Variants in BRINP3 observed in about 807,000 individuals in gnomAD.
The protein encoded by BRINP3 is BMP/retinoic acid inducible neural specific 3.
BRINP3 carries 19 observed loss-of-function variants against 71.0 expected under a neutral mutation model. The ratio of observed to expected loss-of-function variants is 0.27; its 90% CI spans 0.19 to 0.39. The LOEUF (loss-of-function observed/expected upper bound fraction) is 0.39. Among genes scored for constraint, BRINP3 ranks in the 10% least tolerant of loss-of-function variants. The pLI, the probability that BRINP3 is intolerant of heterozygous loss-of-function variation, is 1.00. For synonymous variants in BRINP3, 380 were observed against 337.7 expected, an observed-to-expected ratio of 1.13 and a Z score of -1.37; for missense variants, 959 against 940.8, an observed-to-expected ratio of 1.02 and a Z score of -0.25.
At chr1:190,123,494 C>T (rs2102326600) in intron 7 of BRINP3, among the ~76,000 whole-genome samples, 1 of 152,106 alleles carries the variant, frequency 6.6e-6, no homozygotes, top group Non-Finnish European at 1.5e-5. Context: ...CATTCAGGTT[C>T]TAAATTTTAT....
intron 2 of BRINP3, among the ~76,000 whole-genome samples, chr1:190,394,839 G>A (rs1671468376): frequency 6.6e-6 from 1 of 151,404 alleles, no homozygotes; most frequent in Non-Finnish European, 1.5e-5. Flanking sequence ...TAACTCTGGG[G>A]AGTACACAGT....
rs139605268 is a variant in BRINP3 at position 190,153,847 on chromosome 1, T to A, written c.1184+6821A>T. Among the ~76,000 whole-genome samples, 633 of 152,252 alleles carry A rather than the reference T, an allele frequency of 4.2e-3. 2 individuals are homozygous for A. Among genetic ancestry groups the A allele is most frequent in the African/African-American group, 0.015 (605 of 41,562 alleles). On this transcript the variant is annotated intron_variant, in intron 7 of 7. Transcript: ENST00000367462. ...GCCTGAGCAACAGTGTAAGACTCTG[T>A]CTCAACAAAATGAATAAGTAAAGAA...
chr1:190,398,173 T>C (rs1321536948), intron 2 of BRINP3, among the ~76,000 whole-genome samples: 1 of 151,986 alleles, frequency 6.6e-6, no homozygotes, highest in Non-Finnish European at 1.5e-5. Context: ...CTATCATTAA[T>C]GCTCCACTTA....
chr1:190,271,017 GT>G (rs1161415549), intron 3 of BRINP3, among the ~76,000 whole-genome samples: 2 of 151,578 alleles, frequency 1.3e-5, no homozygotes, highest in Admixed American at 6.6e-5. Flanking sequence ...TTGGACATTA[GT>G]TTTGCCTCCT....
intron 2 of BRINP3, among the ~76,000 whole-genome samples, chr1:190,375,741 T>C (rs1571895114): frequency 6.6e-6 from 1 of 152,018 alleles, no homozygotes; most frequent in Non-Finnish European, 1.5e-5. Context: ...TTTAAAATAC[T>C]TTCATCTTTT....
rs150770640 is a variant in BRINP3 at position 190,118,782 on chromosome 1, T to C, written c.1185-19648A>G. ...CAATCAATTGTAAAAGATCCATATA[T>C]ACATGAAAGTGGTAAGCGGTACTGA... On this transcript the variant is annotated intron_variant, in intron 7 of 7. Transcript: ENST00000367462. Among the ~76,000 whole-genome samples the C allele has an allele frequency of 2.5e-4, 38 of 152,328 alleles. 1 individual carries two copies. The highest frequency in any genetic ancestry group is 8.9e-4 in the African/African-American group (37 of 41,578).
At chr1:190,186,080 T>A (rs1653492021) in intron 6 of BRINP3, among the ~76,000 whole-genome samples, 1 of 152,042 alleles carries the variant, frequency 6.6e-6, no homozygotes, top group Non-Finnish European at 1.5e-5. Context: ...ATATATTTTT[T>A]AAATTAAAGT....
At chr1:190,145,009 A>G (rs1345774444) in intron 7 of BRINP3, among the ~76,000 whole-genome samples, 1 of 151,980 alleles carries the variant, frequency 6.6e-6, no homozygotes, top group African/African-American at 2.4e-5. Context: ...TAGATACCTA[A>G]CCCCTGGCAT....
Position 190,251,506 on chromosome 1 carries a change from T to C in BRINP3, c.618+13359A>G, listed in dbSNP as rs995502554. ...CATGTAGCTCTAGAATTAGAGCTCT[T>C]CATTTCTCTTCTCTTTGGCCTATTT... is the stretch of plus-strand genomic sequence containing the variant. On this transcript the variant is annotated intron_variant, in intron 4 of 7. Coordinates refer to ENST00000367462, the MANE Select transcript of BRINP3 (RefSeq NM_199051.3). 3.3e-5 allele frequency among the ~76,000 whole-genome samples: 5 copies of C among 152,010 alleles called. No homozygotes were observed. The East Asian group carries it at 9.7e-4, about 29-fold the overall frequency.
intron 3 of BRINP3, among the ~76,000 whole-genome samples, chr1:190,279,171 C>T (rs1382023265): frequency 6.6e-6 from 1 of 151,744 alleles, no homozygotes; most frequent in East Asian, 1.9e-4. Flanking sequence ...ATAGAAATAA[C>T]TCAAATTTTA....
intron 2 of BRINP3, among the ~76,000 whole-genome samples, chr1:190,328,208 G>A (rs568128688): frequency 1.6e-4 from 24 of 152,000 alleles, no homozygotes; most frequent in Non-Finnish European, 2.9e-5. Flanking sequence ...AACTAAAATC[G>A]GAGTGGAACT....
At chr1:190,263,856 G>A (rs574278200) in intron 4 of BRINP3, among the ~76,000 whole-genome samples, 2 of 152,164 alleles carry the variant, frequency 1.3e-5, no homozygotes, top group East Asian at 1.9e-4. Flanking sequence ...CCAAAGTGCT[G>A]GGATAACAGG....
At chr1:190,313,745 GT>G (rs1176339612) in intron 2 of BRINP3, among the ~76,000 whole-genome samples, 1 of 151,906 alleles carries the variant, frequency 6.6e-6, no homozygotes, top group Non-Finnish European at 1.5e-5. Flanking sequence ...GAAAACTAAG[GT>G]TTAAAGAAAT....
At chr1:190,456,221 T>C (rs899529935) in intron 1 of BRINP3, among the ~76,000 whole-genome samples, 1 of 152,208 alleles carries the variant, frequency 6.6e-6, no homozygotes, top group East Asian at 1.9e-4. Context: ...ATCTGAGAGA[T>C]ATAGAGAAAT....
rs560268734 is a variant in BRINP3, at chr1:190,341,111, A to G, written c.237-59361T>C. Among the ~76,000 whole-genome samples, 13 of 151,958 alleles carry G rather than the reference A, an allele frequency of 8.6e-5. No individual in the cohort carries two copies. The East Asian group carries it at 2.5e-3, about 30-fold the overall frequency. On this transcript the variant is annotated intron_variant, in intron 2 of 7. Coordinates refer to ENST00000367462, the MANE Select transcript of BRINP3 (RefSeq NM_199051.3). Reference sequence around the variant, plus strand: ...TAGTTTAAGATGAAATCCGTGGTCCAGTCATCTGGAATTTAGAAGATCCAT... The same window carrying G: ...TAGTTTAAGATGAAATCCGTGGTCCGGTCATCTGGAATTTAGAAGATCCAT...
intron 7 of BRINP3, among the ~76,000 whole-genome samples, chr1:190,125,897 A>C (rs139109497): frequency 1.1e-4 from 17 of 152,120 alleles, no homozygotes; most frequent in South Asian, 2.1e-4. Context: ...TGCTGCTGGA[A>C]TGGAGTTACT....
At chr1:190,321,549 T>C (rs190332329) in intron 2 of BRINP3, among the ~76,000 whole-genome samples, 43 of 152,240 alleles carry the variant, frequency 2.8e-4, no homozygotes, top group African/African-American at 1.0e-3. Context: ...TTTTATTAAG[T>C]AATAAAATTA....
intron 1 of BRINP3, among the ~76,000 whole-genome samples, chr1:190,458,485 G>A (rs1006496152): frequency 6.6e-6 from 1 of 152,014 alleles, no homozygotes; most frequent in Non-Finnish European, 1.5e-5. Context: ...ACCATCAGAA[G>A]AGCTTCATTA....
chr1:190,158,597 AC>A (rs1223015356), intron 7 of BRINP3, among the ~76,000 whole-genome samples: 1 of 152,050 alleles, frequency 6.6e-6, no homozygotes, highest in Non-Finnish European at 1.5e-5. Context: ...TACATTTACC[AC>A]CTGAATCTAA....
Sources: allele counts gnomAD v4.1 joint callset (sites outside exome capture counted in the v4.1 genomes callset), GRCh38; gene constraint gnomAD v4.1.1; transcripts MANE v1.5; gene names NCBI Gene and HGNC (gene_info 2026-07-23, HGNC 2026-07-21).